The following PCBP3 variants were observed in gnomAD, a reference collection of about 807,000 sequenced individuals.
PCBP3 encodes the protein poly(rC) binding protein 3.
Under a neutral mutation model 52.7 loss-of-function variants are expected in PCBP3, and 25 were observed. That is an observed-to-expected ratio of 0.47 (90% CI 0.35 to 0.66). PCBP3 has a LOEUF of 0.66. PCBP3 is among the 30% of genes least tolerant of loss of function. The pLI is 0.01. For synonymous variants in PCBP3, 162 were observed against 183.0 expected, an observed-to-expected ratio of 0.89 and a Z score of 0.93; for missense variants, 391 against 490.3, an observed-to-expected ratio of 0.80 and a Z score of 1.91.
At chr21:45,792,852 G>A (rs1411436037) in intron 4 of PCBP3, among the ~76,000 whole-genome samples, 1 of 152,126 alleles carries the variant, frequency 6.6e-6, no homozygotes, top group African/African-American at 2.4e-5. Context: ...CAAACCCCCC[G>A]GCTTTGGGCC....
chr21:45,746,090 T>G (rs530952950), intron 3 of PCBP3, among the ~76,000 whole-genome samples: 1 of 137,634 alleles, frequency 7.3e-6, no homozygotes, highest in Non-Finnish European at 1.6e-5. Context: ...CACACGGTGT[T>G]GTCAGCATCG....
In PCBP3 at chr21:45,900,728, G is replaced by A. The variant is rs544398278; in HGVS notation, c.222+105G>A. 679 of 936,562 alleles carry A rather than the reference G, an allele frequency of 7.2e-4. 6 individuals carry two copies. Among genetic ancestry groups the A allele is most frequent in the South Asian group, 3.9e-3 (280 of 72,150 alleles). The allele number at this position is 936,562 out of a possible 1,614,324, so 58.0% of individuals were successfully genotyped here. On this transcript the variant is annotated intron_variant, in intron 8 of 17. Transcript: ENST00000681687. Reference sequence around the variant, plus strand: ...GTCCTGCCTGTGCTCTTGGCCAGCCGGGGTGTGTGGGGAGTGCAGTGCGGG... The same window carrying A: ...GTCCTGCCTGTGCTCTTGGCCAGCCAGGGTGTGTGGGGAGTGCAGTGCGGG...
At chr21:45,723,595 T>C (rs1013789329) in intron 2 of PCBP3, among the ~76,000 whole-genome samples, 1 of 152,268 alleles carries the variant, frequency 6.6e-6, no homozygotes, top group Admixed American at 6.5e-5. Context: ...TGTATCTATA[T>C]TGACACATAC....
chr21:45,767,810 G>C (rs2145711657), intron 4 of PCBP3, among the ~76,000 whole-genome samples: 1 of 152,378 alleles, frequency 6.6e-6, no homozygotes, highest in East Asian at 1.9e-4. Context: ...CCAGGCCCCT[G>C]CAGGTGGTGC....
At position 45,775,800 on chromosome 21, in the gene PCBP3, A is replaced by C. The variant is rs908421722; in HGVS notation, c.-126+20348A>C. Among the ~76,000 whole-genome samples, 28 of 152,086 alleles carry C rather than the reference A, an allele frequency of 1.8e-4. No individual in the cohort carries two copies. In the East Asian group the frequency reaches 5.4e-3, roughly 29 times the overall value. On this transcript the variant is annotated intron_variant, in intron 4 of 17. Transcript: ENST00000681687. ...GAAAAGCCAAGTTTTTGTTTCATTC[A>C]TCCTTTGTATTATTTTTCTGGTCTG...
At chr21:45,758,743 T>A (rs1010631697) in intron 4 of PCBP3, among the ~76,000 whole-genome samples, 1 of 152,144 alleles carries the variant, frequency 6.6e-6, no homozygotes, top group Non-Finnish European at 1.5e-5. Flanking sequence ...CTTTTACTTC[T>A]CTTAGGGTAC....
chr21:45,902,705 C>T (rs565506364), intron 9 of PCBP3, among the ~76,000 whole-genome samples: 13 of 152,358 alleles, frequency 8.5e-5, no homozygotes, highest in Admixed American at 2.0e-4. Context: ...TGGAGAGTCT[C>T]ATAGCCGCTC....
chr21:45,761,740 T>A (rs964251150), intron 4 of PCBP3: 2 of 152,462 alleles, frequency 1.3e-5, no homozygotes, highest in African/African-American at 4.8e-5. Context: ...GCGGGATGCT[T>A]GTCCTGTGGA....
chr21:45,919,902 C>CCTAACAGAAAGCCTGTGTGAAGG (rs1453246925), intron 13 of PCBP3, among the ~76,000 whole-genome samples: 1 of 151,660 alleles, frequency 6.6e-6, no homozygotes, highest in Non-Finnish European at 1.5e-5. Flanking sequence ...TGTGATGTGT[C>CCTAACAGAAAGCCTGTGTGAAGG]CTAACAGAAA....
intron 5 of PCBP3, among the ~76,000 whole-genome samples, chr21:45,864,901 T>C (rs1326985697): frequency 2.0e-5 from 3 of 152,228 alleles, no homozygotes; most frequent in African/African-American, 7.2e-5. Flanking sequence ...GTACCCTTGA[T>C]AACAAAAAGA....
intron 1 of PCBP3, among the ~76,000 whole-genome samples, chr21:45,655,460 A>G (rs758680203): frequency 1.5e-4 from 23 of 152,100 alleles, no homozygotes; most frequent in Non-Finnish European, 2.8e-4. Flanking sequence ...GATTATAGCC[A>G]TGTAGTGGGT....
intron 4 of PCBP3, among the ~76,000 whole-genome samples, chr21:45,845,982 C>T (rs2093802109): frequency 6.6e-6 from 1 of 152,214 alleles, no homozygotes. Context: ...TCCTTGCCTT[C>T]CTAAACAGCT....
intron 4 of PCBP3, among the ~76,000 whole-genome samples, chr21:45,770,466 C>T (rs1308224929): frequency 6.6e-6 from 1 of 152,178 alleles, no homozygotes; most frequent in Non-Finnish European, 1.5e-5. Flanking sequence ...ATGCATTCTT[C>T]TACCTTCTGC....
intron 2 of PCBP3, among the ~76,000 whole-genome samples, chr21:45,733,760 C>G (rs1223919822): frequency 6.6e-6 from 1 of 152,126 alleles, no homozygotes; most frequent in Non-Finnish European, 1.5e-5. Flanking sequence ...ACCACCACGC[C>G]TGGTTAATTT....
chr21:45,707,332 A>C (rs184865063), intron 2 of PCBP3, among the ~76,000 whole-genome samples: 81 of 152,034 alleles, frequency 5.3e-4, no homozygotes, highest in Non-Finnish European at 1.0e-3. Context: ...CCTGGTTAAC[A>C]TGGTGAAACC....
At chr21:45,676,367 A>AT (rs59624748) in intron 2 of PCBP3, among the ~76,000 whole-genome samples, 6 of 150,678 alleles carry the variant, frequency 4.0e-5, no homozygotes, top group African/African-American at 9.7e-5. Context: ...ACTTTACAGA[A>AT]TTTTTTTTTT....
intron 13 of PCBP3, chr21:45,919,558 C>T (rs976021721): frequency 1.3e-5 from 2 of 152,230 alleles, no homozygotes; most frequent in Non-Finnish European, 2.9e-5. Context: ...AAAGGCAACA[C>T]ATGAATCAAA....
intron 2 of PCBP3, among the ~76,000 whole-genome samples, chr21:45,685,943 G>A (rs913841146): frequency 6.9e-6 from 1 of 145,898 alleles, no homozygotes. Flanking sequence ...TTTTGAGATG[G>A]AGTCTTACTC....
Position 45,850,043 on chromosome 21 carries a change from C to T in PCBP3, c.-43C>T. The T allele has an allele frequency of 6.5e-7, 1 of 1,535,040 alleles. No individual in the cohort carries two copies. The highest frequency in any genetic ancestry group is 8.8e-7 in the Non-Finnish European group (1 of 1,131,756). On this transcript the variant is annotated 5_prime_UTR_variant, in exon 5 of 18. Coordinates refer to ENST00000681687, the MANE Select transcript of PCBP3 (RefSeq NM_001384156.1). The stretch of plus-strand genomic sequence containing the variant: ...ATGCTCTGAGTTCAATACGTCTGAA[C>T]CTTTGCTGTCTATGGATCTGCTCTA...
Sources: allele counts gnomAD v4.1 joint callset (sites outside exome capture counted in the v4.1 genomes callset), GRCh38; gene constraint gnomAD v4.1.1; transcripts MANE v1.5; gene names NCBI Gene and HGNC (gene_info 2026-07-23, HGNC 2026-07-21).